Variants in FHIT observed in about 807,000 individuals in gnomAD.
The protein encoded by FHIT is fragile histidine triad diadenosine triphosphatase, also known as bis(5'-adenosyl)-triphosphatase.
In FHIT, 19 loss-of-function variants were observed where a neutral mutation model predicts 17.9. The observed-to-expected ratio is 1.06, with a 90% CI of 0.74 to 1.56. FHIT has a LOEUF of 1.56. Ranked by LOEUF, FHIT falls within the 40% of genes most tolerant of loss-of-function variation. The probability of loss-of-function intolerance (pLI) is 0.00; values close to 1 mark genes in which losing one functional copy is unlikely to be tolerated. For missense variants in FHIT, 248 were observed against 189.2 expected (o/e 1.31, Z -1.82); for synonymous variants, 81 against 69.7 (o/e 1.16, Z -0.81).
intron 5 of FHIT, among the ~76,000 whole-genome samples, chr3:60,113,725 G>C (rs749912531): frequency 4.5e-4 from 68 of 151,248 alleles, no homozygotes; most frequent in Non-Finnish European, 8.7e-4. Context: ...CATTGGGCCG[G>C]GCGCGGTGGC....
chr3:60,556,243 C>A (rs1013039976), intron 4 of FHIT, among the ~76,000 whole-genome samples: 1 of 152,136 alleles, frequency 6.6e-6, no homozygotes, highest in African/African-American at 2.4e-5. Flanking sequence ...AGAGGCTAGA[C>A]AAATGTTAAG....
chr3:59,807,253 A>G (rs1011232810), intron 8 of FHIT, among the ~76,000 whole-genome samples: 13 of 152,226 alleles, frequency 8.5e-5, no homozygotes, highest in Non-Finnish European at 1.5e-4. Flanking sequence ...CTGGAGCCCC[A>G]AATCCAATGT....
chr3:60,147,360 T>C (rs1265202564), intron 5 of FHIT, among the ~76,000 whole-genome samples: 4 of 152,180 alleles, frequency 2.6e-5, no homozygotes, highest in Non-Finnish European at 4.4e-5. Flanking sequence ...TAACTGACGA[T>C]TCAAGAGGAG....
chr3:60,917,167 A>G (rs1707049353), intron 3 of FHIT, among the ~76,000 whole-genome samples: 1 of 152,358 alleles, frequency 6.6e-6, no homozygotes, highest in African/African-American at 2.4e-5. Flanking sequence ...TAAAATGAAA[A>G]TAAATGCCAA....
intron 2 of FHIT, among the ~76,000 whole-genome samples, chr3:61,172,463 G>A (rs1157830927): frequency 6.6e-6 from 1 of 152,166 alleles, no homozygotes; most frequent in Non-Finnish European, 1.5e-5. Context: ...ACTGCCCAGA[G>A]GGGAGCTGAG....
intron 5 of FHIT, among the ~76,000 whole-genome samples, chr3:60,235,941 G>C (rs1027221428): frequency 6.6e-6 from 1 of 152,020 alleles, no homozygotes; most frequent in Non-Finnish European, 1.5e-5. Context: ...TGTTAGACTA[G>C]AGCTCCTTTT....
chr3:60,383,586 C>A (rs532196024), intron 5 of FHIT, among the ~76,000 whole-genome samples: 2 of 151,942 alleles, frequency 1.3e-5, no homozygotes, highest in Non-Finnish European at 2.9e-5. Flanking sequence ...GTGAAAAAAC[C>A]ATGCCCTAAA....
intron 4 of FHIT, among the ~76,000 whole-genome samples, chr3:60,641,797 G>C (rs2039731579): frequency 6.6e-6 from 1 of 152,120 alleles, no homozygotes; most frequent in Non-Finnish European, 1.5e-5. Context: ...AATCCTGACA[G>C]GACACAGATG....
intron 4 of FHIT, among the ~76,000 whole-genome samples, chr3:60,625,698 A>C (rs1427134453): frequency 1.3e-5 from 2 of 152,154 alleles, no homozygotes; most frequent in African/African-American, 4.8e-5. Flanking sequence ...GTTTCTTTTC[A>C]GCTTCTGGAT....
intron 5 of FHIT, among the ~76,000 whole-genome samples, chr3:60,111,257 C>T (rs1704657315): frequency 6.6e-6 from 1 of 152,082 alleles, no homozygotes; most frequent in African/African-American, 2.4e-5. Flanking sequence ...CACATATACC[C>T]GTATATAAGG....
chr3:60,522,525 G>A (rs193100229), intron 5 of FHIT, among the ~76,000 whole-genome samples: 3 of 152,328 alleles, frequency 2.0e-5, no homozygotes, highest in East Asian at 3.9e-4. Flanking sequence ...GTAGACTGGA[G>A]TTGCGGGAGT....
chr3:59,982,045 C>T (rs770225777), intron 7 of FHIT, among the ~76,000 whole-genome samples: 1 of 138,254 alleles, frequency 7.2e-6, no homozygotes, highest in African/African-American at 2.8e-5. Flanking sequence ...CCACTAAGCA[C>T]TGGCTAGTCT....
chr3:60,843,510 T>C (rs1553745664), intron 3 of FHIT, among the ~76,000 whole-genome samples: 1 of 152,186 alleles, frequency 6.6e-6, no homozygotes, highest in Non-Finnish European at 1.5e-5. Context: ...CTTTGCCCTC[T>C]AAAGCAACCA....
chr3:59,987,247 A>C (rs1038469749), intron 7 of FHIT, among the ~76,000 whole-genome samples: 1 of 151,084 alleles, frequency 6.6e-6, no homozygotes, highest in African/African-American at 2.4e-5. Context: ...GAAACTCTGT[A>C]AAAGTTTTCA....
intron 3 of FHIT, among the ~76,000 whole-genome samples, chr3:61,015,764 GTT>G: frequency 6.6e-6 from 1 of 152,210 alleles, no homozygotes; most frequent in East Asian, 1.9e-4. Flanking sequence ...AGGCCTCTGA[GTT>G]TGGGTTTAGC....
intron 3 of FHIT, among the ~76,000 whole-genome samples, chr3:61,004,312 T>G (rs1205197889): frequency 1.3e-5 from 2 of 152,200 alleles, no homozygotes; most frequent in Non-Finnish European, 2.9e-5. Context: ...ATAAAGTGTT[T>G]GCCCAGTGTA....
chr3:60,204,589 C>T (rs571621968), intron 5 of FHIT, among the ~76,000 whole-genome samples: 20 of 120,342 alleles, frequency 1.7e-4, no homozygotes, highest in African/African-American at 6.2e-4. Flanking sequence ...CCCTTCCCAG[C>T]CTGAAAAGGT....
chr3:60,463,475 A>G (rs2032596728), intron 5 of FHIT, among the ~76,000 whole-genome samples: 2 of 152,182 alleles, frequency 1.3e-5, no homozygotes, highest in Admixed American at 1.3e-4. Flanking sequence ...TTGGCCCTAA[A>G]ATGTCATTGA....
chr3:60,682,015 G>C (rs1553697036), intron 4 of FHIT, among the ~76,000 whole-genome samples: 1 of 150,474 alleles, frequency 6.6e-6, no homozygotes, highest in Non-Finnish European at 1.5e-5. Context: ...TCTGTCACTA[G>C]GGCTGGAGTG....
Sources: allele counts gnomAD v4.1 joint callset (sites outside exome capture counted in the v4.1 genomes callset), GRCh38; gene constraint gnomAD v4.1.1; transcripts MANE v1.5; gene names NCBI Gene and HGNC (gene_info 2026-07-23, HGNC 2026-07-21).